The following KCNH8 variants were observed in gnomAD, a reference collection of about 807,000 sequenced individuals.
KCNH8 encodes the protein potassium voltage-gated channel subfamily H member 8.
Under a neutral mutation model 103.6 loss-of-function variants are expected in KCNH8, and 70 were observed. That is an observed-to-expected ratio of 0.68 (90% CI 0.56 to 0.82). The LOEUF is 0.82. KCNH8 is among the 40% of genes least tolerant of loss of function. KCNH8 has a pLI of 0.00. For synonymous variants in KCNH8, 498 were observed against 489.4 expected, an observed-to-expected ratio of 1.02 and a Z score of -0.23; for missense variants, 1,217 against 1,329.9, an observed-to-expected ratio of 0.92 and a Z score of 1.32.
At chr3:19,248,402 C>T (rs1293370538) in intron 1 of KCNH8, among the ~76,000 whole-genome samples, 2 of 152,104 alleles carry the variant, frequency 1.3e-5, no homozygotes, top group African/African-American at 4.8e-5. Context: ...TGATTTTCTG[C>T]ATGAAATTAG....
chr3:19,427,861 G>C (rs181149863), intron 7 of KCNH8, among the ~76,000 whole-genome samples: 2 of 152,276 alleles, frequency 1.3e-5, no homozygotes, highest in African/African-American at 4.8e-5. Flanking sequence ...GTAGACAGTA[G>C]ACAACCTGAG....
At chr3:19,450,795 G>A in intron 9 of KCNH8, 1 of 278,956 alleles carries the variant, frequency 3.6e-6, no homozygotes, top group Non-Finnish European at 6.8e-6. Flanking sequence ...CATTTTAGTA[G>A]TGATTAATTG....
intron 3 of KCNH8, among the ~76,000 whole-genome samples, chr3:19,327,091 G>A (rs918793604): frequency 1.3e-5 from 2 of 152,072 alleles, no homozygotes; most frequent in East Asian, 1.9e-4. Context: ...TTTACATAAT[G>A]GTTGGATCTC....
chr3:19,388,589 C>T (rs994163651), intron 5 of KCNH8, among the ~76,000 whole-genome samples: 1 of 151,984 alleles, frequency 6.6e-6, no homozygotes, highest in Non-Finnish European at 1.5e-5. Flanking sequence ...CTCATATTCT[C>T]AATATTAACA....
At chr3:19,454,619 T>C (rs1559335200) in intron 10 of KCNH8, among the ~76,000 whole-genome samples, 1 of 152,172 alleles carries the variant, frequency 6.6e-6, no homozygotes, top group Admixed American at 6.6e-5. Context: ...ACAGATTTAG[T>C]GGCTTCTATG....
chr3:19,432,481 A>C (rs948944669), intron 7 of KCNH8, among the ~76,000 whole-genome samples: 3 of 152,210 alleles, frequency 2.0e-5, no homozygotes, highest in Non-Finnish European at 2.9e-5. Flanking sequence ...GAACTTTAGC[A>C]TATCAATAAT....
At chr3:19,507,663 G>A (rs2068718617) in intron 11 of KCNH8, among the ~76,000 whole-genome samples, 1 of 152,132 alleles carries the variant, frequency 6.6e-6, no homozygotes, top group African/African-American at 2.4e-5. Flanking sequence ...GGAGTCCCAG[G>A]TCACAAGGGC....
At chr3:19,314,401 T>G (rs1252944681) in intron 3 of KCNH8, among the ~76,000 whole-genome samples, 1 of 151,632 alleles carries the variant, frequency 6.6e-6, no homozygotes, top group East Asian at 1.9e-4. Context: ...CAGACACTGA[T>G]TCTACAAAAA....
intron 1 of KCNH8, among the ~76,000 whole-genome samples, chr3:19,210,717 G>A (rs1484643654): frequency 1.3e-5 from 2 of 151,822 alleles, no homozygotes; most frequent in East Asian, 1.9e-4. Flanking sequence ...TAGAAAAACC[G>A]GGCTGTCACA....
chr3:19,409,782 ATT>A (rs1559314301), intron 7 of KCNH8, among the ~76,000 whole-genome samples: 4 of 152,260 alleles, frequency 2.6e-5, no homozygotes, highest in African/African-American at 9.6e-5. Flanking sequence ...ACATTACAAC[ATT>A]ACATAATGAT....
chr3:19,202,704 TTATGTC>T (rs2063675749), intron 1 of KCNH8, among the ~76,000 whole-genome samples: 2 of 152,160 alleles, frequency 1.3e-5, no homozygotes, highest in Admixed American at 6.6e-5. Context: ...ATTTTTATGT[TTATGTC>T]TATAACTATA....
intron 7 of KCNH8, among the ~76,000 whole-genome samples, chr3:19,433,227 C>T (rs532522579): frequency 6.6e-6 from 1 of 152,082 alleles, no homozygotes; most frequent in Non-Finnish European, 1.5e-5. Flanking sequence ...TGTGACAGTA[C>T]TAACAGTATA....
intron 11 of KCNH8, among the ~76,000 whole-genome samples, chr3:19,499,992 G>A (rs1490738693): frequency 6.6e-6 from 1 of 152,080 alleles, no homozygotes; most frequent in Non-Finnish European, 1.5e-5. Context: ...GACACAGACT[G>A]GCAAATTGGA....
intron 5 of KCNH8, among the ~76,000 whole-genome samples, chr3:19,363,598 A>G (rs192723920): frequency 1.1e-3 from 170 of 152,296 alleles, no homozygotes; most frequent in African/African-American, 3.8e-3. Context: ...TTTATTGTGC[A>G]TAACCTATAT....
At position 19,505,914 on chromosome 3, in the gene KCNH8, G is replaced by T. The variant is rs547145874; in HGVS notation, c.2041-4449G>T. ...TTTACTGAGTTATTTCAGTGAGCCA[G>T]TTTTCGAACTCTGAGATTCTTTCCT... is the stretch of plus-strand genomic sequence containing the variant. On this transcript the variant is annotated intron_variant, in intron 11 of 15. Coordinates refer to ENST00000328405, the MANE Select transcript of KCNH8 (RefSeq NM_144633.3). Among the ~76,000 whole-genome samples, 7 of 152,212 alleles carry T rather than the reference G, an allele frequency of 4.6e-5. No homozygotes were observed. In the South Asian group the frequency reaches 1.5e-3, roughly 32 times the overall value.
At chr3:19,423,735 G>A (rs1295616042) in intron 7 of KCNH8, among the ~76,000 whole-genome samples, 4 of 151,976 alleles carry the variant, frequency 2.6e-5, no homozygotes, top group African/African-American at 7.2e-5. Flanking sequence ...TTGTGCTGCT[G>A]TAAACATTTG....
intron 1 of KCNH8, among the ~76,000 whole-genome samples, chr3:19,182,668 C>A (rs1166235094): frequency 2.0e-5 from 3 of 151,950 alleles, no homozygotes; most frequent in Non-Finnish European, 4.4e-5. Flanking sequence ...GGGAAAGAGG[C>A]CCCAGTAGTA....
intron 5 of KCNH8, among the ~76,000 whole-genome samples, chr3:19,372,453 C>G (rs960044302): frequency 1.2e-4 from 18 of 150,748 alleles, no homozygotes; most frequent in African/African-American, 4.4e-4. Context: ...GATTTTTGTA[C>G]ATTGATTTTG....
intron 15 of KCNH8, among the ~76,000 whole-genome samples, chr3:19,523,814 T>TTTAA (rs1357141317): frequency 1.3e-5 from 2 of 151,928 alleles, no homozygotes; most frequent in Non-Finnish European, 2.9e-5. Context: ...TTGTTTCTCA[T>TTTAA]TTAATTTTGC....
Sources: allele counts gnomAD v4.1 joint callset (sites outside exome capture counted in the v4.1 genomes callset), GRCh38; gene constraint gnomAD v4.1.1; transcripts MANE v1.5; gene names NCBI Gene and HGNC (gene_info 2026-07-23, HGNC 2026-07-21).